EIF3A: variants seen among roughly 807,000 people sequenced by gnomAD.
The protein encoded by EIF3A is EIF3, p180 subunit.
Under a neutral mutation model 186.6 loss-of-function variants are expected in EIF3A, and 21 were observed. The observed-to-expected ratio is 0.11, with a 90% confidence interval of 0.08 to 0.16. The LOEUF (loss-of-function observed/expected upper bound fraction) is 0.16, where lower values mean the gene tolerates loss of function less well. Ranked by LOEUF, EIF3A falls within the 10% of genes least tolerant of loss-of-function variation. The probability of loss-of-function intolerance (pLI) is 1.00; values close to 1 mark genes in which losing one functional copy is unlikely to be tolerated. For missense variants in EIF3A, 1,306 were observed against 1,796.3 expected, an observed-to-expected ratio of 0.73 and a Z score of 4.93; for synonymous variants, 563 against 584.3, an observed-to-expected ratio of 0.96 and a Z score of 0.52.
At chr10:119,071,212 G>T in intron 4 of EIF3A, 127 bp from the exon 5 acceptor site, 1 of 690,944 alleles carries the variant, frequency 1.4e-6, no homozygotes, top group Non-Finnish European at 2.5e-6. Context: ...ATTAGTCTTT[G>T]TGATGCAATG....
chr10:119,073,682 G>A (rs1726534273), intron 2 of EIF3A, 65 bp downstream of exon 2: 4 of 1,559,100 alleles, frequency 2.6e-6, no homozygotes. Context: ...CACTTCGAAA[G>A]GTAAGTTCTT....
chr10:119,035,042 A>G lies in EIF3A; in HGVS notation c.*997T>C, dbSNP rs780483346. 1.3e-5 allele frequency: 2 copies of G among 152,680 alleles called. No individual in the cohort carries two copies. Among genetic ancestry groups the G allele is most frequent in the Admixed American group, 6.5e-5 (1 of 15,286 alleles). 9.5% of individuals were successfully genotyped at this position (152,680 alleles called of 1,614,324 possible). On this transcript the variant is annotated 3_prime_UTR_variant, in exon 22 of 22. Coordinates refer to ENST00000369144, the MANE Select transcript of EIF3A (RefSeq NM_003750.4). The stretch of plus-strand genomic sequence containing the variant: ...TATAACCACAAATCAACACTAAAAC[A>G]AATTCTGTAAGTATTTTATTTATCA...
chr10:119,072,794 A>G, intron 4 of EIF3A, 96 bp downstream of exon 4: 2 of 1,403,854 alleles, frequency 1.4e-6, no homozygotes, highest in Non-Finnish European at 1.9e-6. Context: ...ACATTTCAAT[A>G]AGGATAAAAA....
chr10:119,057,046 A>G lies in EIF3A; in HGVS notation c.1978-6T>C. 3 of 1,553,728 alleles carry G rather than the reference A, an allele frequency of 1.9e-6. No homozygotes were observed. The highest frequency in any genetic ancestry group is 3.4e-4 in the Middle Eastern group (2 of 5,906). On this transcript the variant is annotated splice_region_variant and splice_polypyrimidine_tract_variant and intron_variant, in intron 12 of 21. Transcript: ENST00000369144. Reference sequence around the variant, plus strand: ...GGATCCAATTCCTCAAGGTCCTGAAAGGTAATACAAATGCACAATTGTTAA... The same window carrying G: ...GGATCCAATTCCTCAAGGTCCTGAAGGGTAATACAAATGCACAATTGTTAA...
At chr10:119,043,144 C>T (rs1221476049) in intron 18 of EIF3A, among the ~76,000 whole-genome samples, 3 of 148,630 alleles carry the variant, frequency 2.0e-5, no homozygotes, top group Non-Finnish European at 4.5e-5. Flanking sequence ...ATTCACCAGG[C>T]GTAGTGGCCC....
intron 1 of EIF3A, among the ~76,000 whole-genome samples, chr10:119,078,059 A>G (rs1479227274): frequency 6.6e-6 from 1 of 152,228 alleles, no homozygotes; most frequent in Non-Finnish European, 1.5e-5. Context: ...GTATGTATAA[A>G]GAAGTTTACA....
At position 119,062,490 on chromosome 10, in the gene EIF3A, T is replaced by G. The variant is rs78628547; in HGVS notation, c.1123-1162A>C. 8.4e-4 allele frequency among the ~76,000 whole-genome samples: 128 copies of G among 152,310 alleles called. 1 individual carries two copies. The East Asian group carries it at 0.024, about 28-fold the overall frequency. On this transcript the variant is annotated intron_variant, in intron 7 of 21. Coordinates refer to ENST00000369144, the MANE Select transcript of EIF3A (RefSeq NM_003750.4). ...ATGGTCAACTCAAGAAGTTGACAAA[T>G]GCCTCTTGGCAGTCAGCTAATCCAT...
In EIF3A at chr10:119,050,614, G is replaced by A. The variant is rs1168732515; in HGVS notation, c.2380C>T (p.Arg794Trp). Reference protein sequence around the residue: ...AEERHNRLEERKRQRKEERRI... With the variant: ...AEERHNRLEEWKRQRKEERRI... ...CGTTCTTCTTTACGCTGCCTTTTCC[G>A]TTCTTCCAATCGATTATGCCTTTCT... Residue 794 changes from arginine (R) to tryptophan (W), a missense_variant, in exon 16 of 22, where the codon CGG becomes TGG. Around this residue, in one of 8 missense-constraint regions of EIF3A, gnomAD observed 410 missense variants for 473.5 expected, o/e 0.87. Transcript: ENST00000369144. The A allele has an allele frequency of 4.3e-6, 7 of 1,613,670 alleles. No individual in the cohort carries two copies. The highest frequency in any genetic ancestry group is 1.1e-5 in the South Asian group (1 of 91,060).
chr10:119,064,560 T>C (rs1020131404), intron 7 of EIF3A, among the ~76,000 whole-genome samples: 4 of 152,214 alleles, frequency 2.6e-5, no homozygotes, highest in South Asian at 2.1e-4. Context: ...GTATAAGCCA[T>C]ACCTGCTTCC....
chr10:119,069,700 A>G (rs771377824), intron 5 of EIF3A, 46 bp from the exon 6 acceptor site: 1 of 917,966 alleles, frequency 1.1e-6, no homozygotes, highest in Non-Finnish European at 1.8e-6. Flanking sequence ...CTATAACACG[A>G]AAAAAATCTA....
chr10:119,080,124 T>A (rs1844238753), intron 1 of EIF3A, among the ~76,000 whole-genome samples: 1 of 151,778 alleles, frequency 6.6e-6, no homozygotes. Context: ...AGAGCGGGGG[T>A]GGCTGCGGGA....
At chr10:119,040,440 G>A (rs1300793707) in intron 19 of EIF3A, among the ~76,000 whole-genome samples, 44 of 152,196 alleles carry the variant, frequency 2.9e-4, no homozygotes, top group Admixed American at 2.8e-3. Flanking sequence ...ATGGGTGGGC[G>A]TGAACAAGTG....
Position 119,034,830 on chromosome 10 carries a change from A to C in EIF3A, c.*1209T>G, listed in dbSNP as rs1356445125. On this transcript the variant is annotated 3_prime_UTR_variant, in exon 22 of 22. Coordinates refer to ENST00000369144, the MANE Select transcript of EIF3A (RefSeq NM_003750.4). Reference sequence around the variant, plus strand: ...AAACTCAGAGGACAGCGTTACAAGGAAACTAAGGAATTCCTGCATTAACAA... The same window carrying C: ...AAACTCAGAGGACAGCGTTACAAGGCAACTAAGGAATTCCTGCATTAACAA... The C allele has an allele frequency of 1.3e-5, 2 of 152,226 alleles. No individual in the cohort carries two copies. The highest frequency in any genetic ancestry group is 2.9e-5 in the Non-Finnish European group (2 of 68,042). 9.4% of individuals were successfully genotyped at this position (152,226 alleles called of 1,614,324 possible). A position where few individuals can be genotyped will look rare whatever the true frequency, so the allele number is the denominator to read the frequency against.
intron 14 of EIF3A, among the ~76,000 whole-genome samples, chr10:119,054,782 C>A (rs1231619439): frequency 6.6e-6 from 1 of 151,946 alleles, no homozygotes; most frequent in Non-Finnish European, 1.5e-5. Flanking sequence ...GTGCAAGAGG[C>A]CTAGCTTTCA....
In EIF3A at chr10:119,071,981, C is replaced by T. The variant is rs187030909; in HGVS notation, c.542-896G>A. On this transcript the variant is annotated intron_variant, in intron 4 of 21. Transcript: ENST00000369144. ...CGGAGCTTGTAGTGAGCCGAGATTGCGCCACTGCACTCCAGCCTGGGCCAC... is the reference window on the plus strand; with the variant it reads ...CGGAGCTTGTAGTGAGCCGAGATTGTGCCACTGCACTCCAGCCTGGGCCAC... Among the ~76,000 whole-genome samples, 493 of 140,854 alleles carry T rather than the reference C, an allele frequency of 3.5e-3. 4 individuals are homozygous for T. The highest frequency in any genetic ancestry group is 0.012 in the African/African-American group (452 of 37,800). The allele number at this position is 140,854 out of a possible 152,430, so 92.4% of individuals were successfully genotyped here. A position where few individuals can be genotyped will look rare whatever the true frequency, so the allele number is the denominator to read the frequency against.
chr10:119,052,366 T>G (rs369843654), intron 14 of EIF3A, among the ~76,000 whole-genome samples: 1 of 22,218 alleles, frequency 4.5e-5, no homozygotes, highest in African/African-American at 1.3e-4. Flanking sequence ...TCTTTTTTGG[T>G]TTTGTGTGTG....
At position 119,038,227 on chromosome 10, in the gene EIF3A, G is replaced by C. The variant is rs147988360; in HGVS notation, c.3728+11C>G. 14 of 1,610,630 alleles carry C rather than the reference G, an allele frequency of 8.7e-6. No homozygotes were observed. Among genetic ancestry groups the C allele is most frequent in the East Asian group, 2.2e-5 (1 of 44,842 alleles). On this transcript the variant is annotated intron_variant, in intron 20 of 21. Coordinates refer to ENST00000369144, the MANE Select transcript of EIF3A (RefSeq NM_003750.4). Reference sequence around the variant, plus strand: ...CCGGCCTCTACAAATAATTTAATTAGAGCATCACACCTAGGTCTTCTGAAG... The same window carrying C: ...CCGGCCTCTACAAATAATTTAATTACAGCATCACACCTAGGTCTTCTGAAG...
rs1461149831 is a variant in EIF3A at position 119,051,234 on chromosome 10, T to C, written c.2284A>G (p.Met762Val). ...RMLEDRDLFV[M>V]RLKAARQSVY... ...GACTGCCGTGCAGCTTTGAGTCGCA[T>C]TACGAATAAATCTCTGTCTTCAAGC... Residue 762 changes from methionine to valine, a missense_variant, in exon 15 of 22, where the codon ATG (methionine) becomes GTG (valine). This residue lies in a region of EIF3A where 410 missense variants were observed against 473.5 expected (regional missense o/e 0.87). Transcript: ENST00000369144. The C allele has an allele frequency of 3.1e-6, 5 of 1,611,632 alleles. No individual in the cohort carries two copies. The highest frequency in any genetic ancestry group is 4.2e-6 in the Non-Finnish European group (5 of 1,179,404).
rs902221293 is a variant in EIF3A, at chr10:119,061,335, T to C, written c.1123-7A>G. On this transcript the variant is annotated splice_region_variant and splice_polypyrimidine_tract_variant and intron_variant, in intron 7 of 21. Coordinates refer to ENST00000369144, the MANE Select transcript of EIF3A (RefSeq NM_003750.4). The stretch of plus-strand genomic sequence containing the variant: ...GTAGTACATTAAATCTGACCTACAG[T>C]AAGCAAAACAAAAGATGTAACTGCC... 7.4e-7 allele frequency: 1 copy of C among 1,353,872 alleles called. No homozygotes were observed. The highest frequency in any genetic ancestry group is 2.1e-5 in the Admixed American group (1 of 48,144). The allele number at this position is 1,353,872 out of a possible 1,614,324, so 83.9% of individuals were successfully genotyped here.
Sources: gnomAD v4.1 joint callset for allele counts (sites outside exome capture counted in the v4.1 genomes callset) on GRCh38, gnomAD v4.1.1 for gene constraint, gnomAD v4.1.1 regional missense constraint, MANE v1.5 for transcripts, NCBI Gene and HGNC (gene_info 2026-07-23, HGNC 2026-07-21) for gene names.